MXRA7: variants seen among roughly 807,000 people sequenced by gnomAD.
MXRA7 encodes the protein matrix-remodeling-associated protein 7.
Under a neutral mutation model 17.4 loss-of-function variants are expected in MXRA7, and 18 were observed. That is an observed-to-expected ratio of 1.03 (90% CI 0.71 to 1.53). MXRA7 has a LOEUF of 1.53. Among genes scored for constraint, MXRA7 ranks in the 40% most tolerant of loss-of-function variants. The probability of loss-of-function intolerance (pLI) is 0.00; values close to 1 mark genes in which losing one functional copy is unlikely to be tolerated. For missense variants in MXRA7, 141 were observed against 209.3 expected (o/e 0.67, Z 2.01); for synonymous variants, 70 against 101.7 (o/e 0.69, Z 1.87).
At position 76,683,483 on chromosome 17, in the gene MXRA7, T is replaced by A. The variant is rs751928248; in HGVS notation, c.500+1589A>T. 6.2e-4 allele frequency among the ~76,000 whole-genome samples: 95 copies of A among 152,226 alleles called. 1 individual carries two copies. The highest frequency in any genetic ancestry group is 2.0e-4 in the Admixed American group (3 of 15,290). ...TGCACTGTGCAGAAGCTGCCTCATCTTCTCAGGGTGAGACCCAAGGCTGCA... is the reference window on the plus strand; with the variant it reads ...TGCACTGTGCAGAAGCTGCCTCATCATCTCAGGGTGAGACCCAAGGCTGCA... On this transcript the variant is annotated intron_variant, in intron 3 of 3. Transcript: ENST00000449428.
At chr17:76,708,707 A>G (rs374716561) in intron 1 of MXRA7, among the ~76,000 whole-genome samples, 37 of 152,302 alleles carry the variant, frequency 2.4e-4, no homozygotes, top group African/African-American at 8.2e-4. Context: ...CTGTGTCCCC[A>G]CAGCACCTGG....
At chr17:76,708,606 T>C (rs545459382) in intron 1 of MXRA7, among the ~76,000 whole-genome samples, 38 of 152,344 alleles carry the variant, frequency 2.5e-4, no homozygotes, top group African/African-American at 9.1e-4. Context: ...TTCTTTTTTT[T>C]CTTGTCACTG....
chr17:76,705,970 ACCACACTGCCATCACAAAGGC>A lies in MXRA7; in HGVS notation c.342+4614_342+4634del, dbSNP rs1287366608. The stretch of plus-strand genomic sequence containing the variant: ...TTTTGCTAAGAGAACAGAAAGTAGG[ACCACACTGCCATCACAAAGGC>A]CCACACTGCCATCACAGAGGACCAC... On this transcript the variant is annotated intron_variant, in intron 1 of 3. Transcript: ENST00000449428. Among the ~76,000 whole-genome samples the A allele has an allele frequency of 5.3e-5, 8 of 152,070 alleles. No individual in the cohort carries two copies. In the East Asian group the frequency reaches 9.6e-4, roughly 18 times the overall value.
chr17:76,702,872 C>T (rs551884311), intron 1 of MXRA7, among the ~76,000 whole-genome samples: 1 of 147,234 alleles, frequency 6.8e-6, no homozygotes, highest in Non-Finnish European at 1.5e-5. Flanking sequence ...TATATATATA[C>T]GTATATATAT....
intron 1 of MXRA7, among the ~76,000 whole-genome samples, chr17:76,696,376 C>G (rs751840876): frequency 1.3e-5 from 2 of 151,910 alleles, no homozygotes; most frequent in Non-Finnish European, 2.9e-5. Context: ...AACAAATTAG[C>G]CGGGGGTGGT....
intron 3 of MXRA7, 59 bp downstream of exon 3, chr17:76,685,013 G>A: frequency 6.9e-7 from 1 of 1,441,440 alleles, no homozygotes; most frequent in African/African-American, 1.4e-5. Flanking sequence ...GAAGGGCTCA[G>A]AGGGGCACCC....
chr17:76,706,138 A>C (rs117618549), intron 1 of MXRA7, among the ~76,000 whole-genome samples: 3,084 of 40,128 alleles, frequency 0.077, 106 homozygotes, highest in East Asian at 0.33. Context: ...ATCACAAAGG[A>C]CCACACTGCC....
downstream of MXRA7, chr17:76,679,478 A>C (rs572483185): frequency 3.3e-4 from 131 of 396,556 alleles, no homozygotes; most frequent in African/African-American, 2.5e-3. Context: ...CTGCAGAGTA[A>C]GAGGCATCAA....
In MXRA7 at chr17:76,710,633, G is replaced by A. The variant is rs1208693462; in HGVS notation, c.314C>T (p.Ala105Val). The A allele has an allele frequency of 1.4e-6, 2 of 1,383,198 alleles. No homozygotes were observed. Among genetic ancestry groups the A allele is most frequent in the Admixed American group, 2.8e-5 (1 of 35,928 alleles). 85.7% of individuals were successfully genotyped at this position (1,383,198 alleles called of 1,614,324 possible). The change falls in exon 1 of 4, where the codon GCG becomes GTG. Residue 105 changes from alanine (A) to valine (V), a missense_variant. Physicochemically the swap from Ala to Val is moderately conservative, Grantham distance 64. Transcript: ENST00000449428. Reference sequence around the variant, plus strand: ...CCTCGCCTCCACCGCCTGCTCCTCCGCCTCCGCTGGCGCCGCCGCGGGATC... The same window carrying A: ...CCTCGCCTCCACCGCCTGCTCCTCCACCTCCGCTGGCGCCGCCGCGGGATC... ...PGDPAAAPAE[A>V]EEQAVEARQE...
chr17:76,688,409 C>T (rs568775796), intron 1 of MXRA7: 27 of 1,398,092 alleles, frequency 1.9e-5, no homozygotes, highest in African/African-American at 2.9e-5. Context: ...CTTGACTGTG[C>T]ACCCCAAGCC....
chr17:76,709,072 T>C (rs891193153), intron 1 of MXRA7, among the ~76,000 whole-genome samples: 2 of 152,054 alleles, frequency 1.3e-5, no homozygotes, highest in African/African-American at 4.8e-5. Context: ...CCGAAAGCCT[T>C]GTAGAAAGTT....
chr17:76,683,736 G>A (rs985791190), intron 3 of MXRA7: 20 of 732,692 alleles, frequency 2.7e-5, no homozygotes, highest in African/African-American at 5.2e-5. Flanking sequence ...TGTATTAATC[G>A]GTTATGAAGG....
At chr17:76,673,859 G>A (rs2076220742) in exon 4 of MXRA7, 1 of 152,176 alleles carries the variant, frequency 6.6e-6, no homozygotes, top group African/African-American at 2.4e-5. Flanking sequence ...CAGGAAGTGG[G>A]GAGCCAGCTA....
chr17:76,684,841 G>T (rs1400547462), intron 3 of MXRA7, among the ~76,000 whole-genome samples: 1 of 152,138 alleles, frequency 6.6e-6, no homozygotes, highest in Admixed American at 6.5e-5. Context: ...ATCACCAGTG[G>T]CCTCCTTCTG....
At chr17:76,692,873 T>C (rs892090649) in intron 1 of MXRA7, among the ~76,000 whole-genome samples, 10 of 152,104 alleles carry the variant, frequency 6.6e-5, no homozygotes, top group Non-Finnish European at 1.2e-4. Flanking sequence ...CGGGAAAAGA[T>C]TGCACTGGTG....
chr17:76,692,338 C>T (rs912205742), intron 1 of MXRA7, among the ~76,000 whole-genome samples: 2 of 151,724 alleles, frequency 1.3e-5, no homozygotes, highest in African/African-American at 4.8e-5. Flanking sequence ...ACTGCAGCCT[C>T]CACCTCCCAG....
At chr17:76,704,122 T>G (rs2076626414) in intron 1 of MXRA7, among the ~76,000 whole-genome samples, 1 of 150,060 alleles carries the variant, frequency 6.7e-6, no homozygotes, top group Non-Finnish European at 1.5e-5. Context: ...AAAAAGAAGA[T>G]AGCATTGCTT....
chr17:76,686,481 C>G (rs765401456), intron 2 of MXRA7, among the ~76,000 whole-genome samples: 3 of 152,078 alleles, frequency 2.0e-5, no homozygotes, highest in Non-Finnish European at 2.9e-5. Flanking sequence ...TTCCAGTATC[C>G]CCCTACCCCC....
intron 1 of MXRA7, among the ~76,000 whole-genome samples, chr17:76,700,246 A>C (rs559623216): frequency 6.6e-6 from 1 of 152,150 alleles, no homozygotes; most frequent in Non-Finnish European, 1.5e-5. Flanking sequence ...TGCTGGGATT[A>C]CAGGCGTGAG....
Sources: allele counts gnomAD v4.1 joint callset (sites outside exome capture counted in the v4.1 genomes callset), GRCh38; gene constraint gnomAD v4.1.1; transcripts MANE v1.5; gene names NCBI Gene and HGNC (gene_info 2026-07-23, HGNC 2026-07-21).